Variants in DACH2 observed in about 807,000 individuals in gnomAD.
The protein encoded by DACH2 is dachshund family transcription factor 2.
A neutral mutation model predicts 35.8 loss-of-function variants in DACH2; 17 were observed. That is an observed-to-expected ratio of 0.48 (90% CI 0.33 to 0.71). DACH2 has a LOEUF of 0.71. DACH2 is among the 30% of genes least tolerant of loss of function. The pLI, the probability that DACH2 is intolerant of heterozygous loss-of-function variation, is 0.02. For missense variants in DACH2, 469 were observed against 472.7 expected, an observed-to-expected ratio of 0.99 and a Z score of 0.07; for synonymous variants, 195 against 177.3, an observed-to-expected ratio of 1.10 and a Z score of -0.79.
chrX:86,726,137 G>A (rs1405977853), intron 6 of DACH2, among the ~76,000 whole-genome samples: 1 of 111,699 alleles, frequency 9.0e-6, no homozygotes, highest in African/African-American at 3.3e-5. Flanking sequence ...GGAGGGTGGG[G>A]CCCCTCATAG....
intron 7 of DACH2, among the ~76,000 whole-genome samples, chrX:86,808,634 A>C: frequency 1.2e-5 from 1 of 83,944 alleles, no homozygotes; most frequent in Middle Eastern, 5.4e-3. Context: ...ATGTAATAAT[A>C]ATGACATTGC....
chrX:86,181,122 C>T (rs2147882197), intron 1 of DACH2, among the ~76,000 whole-genome samples: 1 of 109,136 alleles, frequency 9.2e-6, no homozygotes, highest in South Asian at 4.0e-4. Flanking sequence ...AAAGAACTGG[C>T]TATGTCCCTG....
intron 3 of DACH2, among the ~76,000 whole-genome samples, chrX:86,532,357 G>A (rs941432684): frequency 9.0e-6 from 1 of 111,356 alleles, no homozygotes; most frequent in Non-Finnish European, 1.9e-5. Flanking sequence ...ATCTTGAATT[G>A]CAATCCCTAT....
chrX:86,542,278 C>T (rs1009761271), intron 3 of DACH2, among the ~76,000 whole-genome samples: 1 of 111,309 alleles, frequency 9.0e-6, no homozygotes, highest in Admixed American at 9.6e-5. Context: ...GTGTTGGTGT[C>T]GGGAGGTGGG....
intron 3 of DACH2, among the ~76,000 whole-genome samples, chrX:86,630,303 G>T (rs2148387032): frequency 9.1e-6 from 1 of 109,380 alleles, no homozygotes; most frequent in South Asian, 3.9e-4. Context: ...TTCTGTCTTG[G>T]TTTACCGATC....
chrX:86,606,298 T>G (rs970543331), intron 3 of DACH2, among the ~76,000 whole-genome samples: 4 of 74,026 alleles, frequency 5.4e-5, no homozygotes, highest in Admixed American at 2.7e-4. Flanking sequence ...TTATTTGAAG[T>G]TTTTTTTTTT....
intron 7 of DACH2, among the ~76,000 whole-genome samples, chrX:86,761,975 G>A (rs1282515101): frequency 9.0e-6 from 1 of 110,602 alleles, no homozygotes; most frequent in Non-Finnish European, 1.9e-5. Flanking sequence ...TCCCTAGGCA[G>A]TGGTCATTGC....
chrX:86,780,332 T>C (rs1453657759), intron 7 of DACH2, among the ~76,000 whole-genome samples: 1 of 111,414 alleles, frequency 9.0e-6, no homozygotes, highest in Non-Finnish European at 1.9e-5. Flanking sequence ...AGAAATAGTT[T>C]TAGACCAGGC....
At chrX:86,290,254 A>C (rs12383374) in intron 1 of DACH2, among the ~76,000 whole-genome samples, 16,963 of 44,395 alleles carry the variant, frequency 0.38, 5,284 homozygotes, top group African/African-American at 0.72. Flanking sequence ...CCTTTGCCCA[A>C]TTTTTGATGG....
At chrX:86,293,440 T>C (rs1365164687) in intron 1 of DACH2, among the ~76,000 whole-genome samples, 1 of 108,468 alleles carries the variant, frequency 9.2e-6, no homozygotes, top group Admixed American at 9.9e-5. Context: ...GTTAATATTG[T>C]TATGTGTGAA....
At chrX:86,432,681 C>A (rs2037004302) in intron 2 of DACH2, among the ~76,000 whole-genome samples, 1 of 111,856 alleles carries the variant, frequency 8.9e-6, no homozygotes, top group Non-Finnish European at 1.9e-5. Context: ...TGGTATAAGG[C>A]AGGTTTGGCT....
intron 3 of DACH2, among the ~76,000 whole-genome samples, chrX:86,635,270 A>G (rs1457275653): frequency 9.2e-6 from 1 of 108,478 alleles, no homozygotes; most frequent in African/African-American, 3.4e-5. Context: ...ACAAAACCAG[A>G]TGATTATCTC....
intron 3 of DACH2, among the ~76,000 whole-genome samples, chrX:86,622,826 T>C (rs1602710180): frequency 9.0e-6 from 1 of 111,312 alleles, no homozygotes; most frequent in South Asian, 3.8e-4. Flanking sequence ...TTAATCAAAC[T>C]ATAGGGAAAT....
intron 6 of DACH2, among the ~76,000 whole-genome samples, chrX:86,735,096 G>T (rs1027987121): frequency 7.2e-5 from 8 of 111,500 alleles, no homozygotes; most frequent in African/African-American, 9.7e-5. Context: ...ATTCTTGAAA[G>T]AAATCAATAT....
chrX:86,623,918 C>G (rs1407307050), intron 3 of DACH2, among the ~76,000 whole-genome samples: 1 of 101,401 alleles, frequency 9.9e-6, no homozygotes, highest in African/African-American at 3.6e-5. Flanking sequence ...CATGGTGGCG[C>G]GTGCCTGTAG....
chrX:86,596,325 A>G (rs943448859), intron 3 of DACH2, among the ~76,000 whole-genome samples: 2 of 111,773 alleles, frequency 1.8e-5, no homozygotes, highest in African/African-American at 6.5e-5. Flanking sequence ...CAGTAATTGC[A>G]TCATTGTACA....
At chrX:86,438,716 A>C (rs991265227) in intron 2 of DACH2, among the ~76,000 whole-genome samples, 3 of 112,411 alleles carry the variant, frequency 2.7e-5, no homozygotes, top group African/African-American at 9.7e-5. Context: ...GTATATACCC[A>C]GTAATGGGAT....
intron 1 of DACH2, among the ~76,000 whole-genome samples, chrX:86,149,473 G>T (rs954680412): frequency 2.7e-5 from 3 of 112,034 alleles, no homozygotes; most frequent in Non-Finnish European, 5.6e-5. Flanking sequence ...GGTCGGATAG[G>T]TTTTCTTCTG....
intron 3 of DACH2, among the ~76,000 whole-genome samples, chrX:86,575,098 G>C (rs1287484736): frequency 9.0e-6 from 1 of 111,087 alleles, no homozygotes; most frequent in Non-Finnish European, 1.9e-5. Flanking sequence ...TGGATCATTG[G>C]TTTGCTGATA....
Sources: gnomAD v4.1 joint callset for allele counts (sites outside exome capture counted in the v4.1 genomes callset) on GRCh38, gnomAD v4.1.1 for gene constraint, MANE v1.5 for transcripts, NCBI Gene and HGNC (gene_info 2026-07-23, HGNC 2026-07-21) for gene names.